The following MSRA variants were observed in gnomAD, a reference collection of about 807,000 sequenced individuals.
MSRA encodes methionine sulfoxide reductase A.
MSRA carries 54 observed loss-of-function variants against 31.3 expected under a neutral mutation model. That is an observed-to-expected ratio of 1.73 (90% CI 1.39 to 2.17). The LOEUF is 2.17. Ranked by LOEUF, MSRA falls within the 30% of genes most tolerant of loss-of-function variation. MSRA has a pLI of 0.00. For missense variants in MSRA, 507 were observed against 300.9 expected (o/e 1.69, Z -5.07); for synonymous variants, 169 against 116.5 (o/e 1.45, Z -2.90).
chr8:10,252,710 C>G (rs370567646), intron 3 of MSRA, among the ~76,000 whole-genome samples: 14 of 152,192 alleles, frequency 9.2e-5, no homozygotes, highest in Admixed American at 9.2e-4. Flanking sequence ...GATTTGTCCA[C>G]GAAGCATGGG....
At chr8:10,075,692 G>C (rs768706781) in intron 1 of MSRA, among the ~76,000 whole-genome samples, 1 of 152,194 alleles carries the variant, frequency 6.6e-6, no homozygotes, top group Admixed American at 6.5e-5. Flanking sequence ...ATGATTTTAC[G>C]ATATAACAAG....
intron 5 of MSRA, among the ~76,000 whole-genome samples, chr8:10,353,279 A>G (rs756793779): frequency 6.6e-5 from 10 of 152,248 alleles, no homozygotes; most frequent in African/African-American, 9.6e-5. Flanking sequence ...AGTCTTGCCA[A>G]TAAAAAGCCA....
At chr8:10,297,433 G>T (rs537918303) in intron 3 of MSRA, among the ~76,000 whole-genome samples, 1 of 152,222 alleles carries the variant, frequency 6.6e-6, no homozygotes, top group Admixed American at 6.5e-5. Flanking sequence ...CTATGTGCGC[G>T]ATGTTATGTG....
chr8:10,124,021 G>C (rs1204477769), intron 1 of MSRA, among the ~76,000 whole-genome samples: 2 of 151,964 alleles, frequency 1.3e-5, no homozygotes, highest in Non-Finnish European at 2.9e-5. Context: ...GCTGAGGTTG[G>C]GGAATGGCCC....
At chr8:10,404,012 A>T (rs1807634178) in intron 5 of MSRA, among the ~76,000 whole-genome samples, 1 of 152,224 alleles carries the variant, frequency 6.6e-6, no homozygotes, top group Admixed American at 6.5e-5. Context: ...ACTGTTGCTC[A>T]CTGTAGGAAA....
intron 1 of MSRA, among the ~76,000 whole-genome samples, chr8:10,201,914 C>G (rs1261190869): frequency 6.6e-6 from 1 of 152,218 alleles, no homozygotes; most frequent in Non-Finnish European, 1.5e-5. Context: ...GCATGTGCCC[C>G]TTGTAGCAGA....
At chr8:10,331,784 ATAAT>A (rs1802716661) in intron 5 of MSRA, among the ~76,000 whole-genome samples, 1 of 152,254 alleles carries the variant, frequency 6.6e-6, no homozygotes, top group African/African-American at 2.4e-5. Flanking sequence ...TGTACTTTAA[ATAAT>A]CTCTAGATTA....
chr8:10,177,302 A>G (rs537283182), intron 1 of MSRA, among the ~76,000 whole-genome samples: 1 of 152,340 alleles, frequency 6.6e-6, no homozygotes, highest in South Asian at 2.1e-4. Context: ...ATGCACTTTG[A>G]CAACTCAATA....
At chr8:10,386,665 G>C (rs1024357618) in intron 5 of MSRA, among the ~76,000 whole-genome samples, 1 of 152,074 alleles carries the variant, frequency 6.6e-6, no homozygotes, top group East Asian at 1.9e-4. Context: ...AAATAGGCAT[G>C]TCTAACAAGC....
At chr8:10,258,997 C>T (rs938306077) in intron 3 of MSRA, among the ~76,000 whole-genome samples, 8 of 151,774 alleles carry the variant, frequency 5.3e-5, no homozygotes, top group Admixed American at 4.6e-4. Flanking sequence ...ATCCCAGCTA[C>T]TTGGGAGGCT....
intron 3 of MSRA, among the ~76,000 whole-genome samples, chr8:10,252,032 C>G (rs1445732040): frequency 6.6e-6 from 1 of 152,204 alleles, no homozygotes; most frequent in Non-Finnish European, 1.5e-5. Context: ...CGGTAAGATT[C>G]AAGCTGCTTG....
At chr8:10,373,136 C>A (rs959922610) in intron 5 of MSRA, among the ~76,000 whole-genome samples, 1 of 152,220 alleles carries the variant, frequency 6.6e-6, no homozygotes, top group Admixed American at 6.5e-5. Context: ...GGTGATCTAC[C>A]CTCTTCGGCC....
chr8:10,381,447 G>C (rs1186525692), intron 5 of MSRA, among the ~76,000 whole-genome samples: 1 of 152,170 alleles, frequency 6.6e-6, no homozygotes, highest in Non-Finnish European at 1.5e-5. Context: ...ACATTTCAGG[G>C]GAAGAGCTGG....
chr8:10,346,867 T>C (rs1803812053), intron 5 of MSRA, among the ~76,000 whole-genome samples: 1 of 152,182 alleles, frequency 6.6e-6, no homozygotes, highest in Non-Finnish European at 1.5e-5. Flanking sequence ...CTCTAAACAG[T>C]AGGTTGGCTC....
At chr8:10,426,449 G>A (rs1317625743) in intron 5 of MSRA, among the ~76,000 whole-genome samples, 1 of 152,252 alleles carries the variant, frequency 6.6e-6, no homozygotes, top group East Asian at 1.9e-4. Context: ...ACTCTCTGGA[G>A]AGGGCCAGGA....
At chr8:10,408,971 A>C in intron 5 of MSRA, among the ~76,000 whole-genome samples, 1 of 152,272 alleles carries the variant, frequency 6.6e-6, no homozygotes, top group East Asian at 1.9e-4. Context: ...TCATCTGTTG[A>C]AGGATGTTTA....
chr8:10,231,441 A>G (rs745535482), intron 2 of MSRA, among the ~76,000 whole-genome samples: 2 of 152,164 alleles, frequency 1.3e-5, no homozygotes, highest in African/African-American at 2.4e-5. Context: ...GCTGTATTGA[A>G]TTTCACGTGT....
chr8:10,294,242 T>G (rs1800407612), intron 3 of MSRA, among the ~76,000 whole-genome samples: 1 of 152,130 alleles, frequency 6.6e-6, no homozygotes, highest in South Asian at 2.1e-4. Context: ...AGAATCATTT[T>G]GGGAAACTTT....
At position 10,224,788 on chromosome 8, in the gene MSRA, C is replaced by T. The variant is rs117317688; in HGVS notation, c.211+16887C>T. 1.2e-3 allele frequency among the ~76,000 whole-genome samples: 176 copies of T among 152,320 alleles called. 5 individuals are homozygous for T. The East Asian group carries it at 0.032, about 28-fold the overall frequency. On this transcript the variant is annotated intron_variant, in intron 2 of 5. Transcript: ENST00000317173. ...TGGTCACTAGAAAGATTCCTGCACT[C>T]CTTAGTCTGACATGTAAGGTTCTGC...
Sources: allele counts gnomAD v4.1 joint callset (sites outside exome capture counted in the v4.1 genomes callset), GRCh38; gene constraint gnomAD v4.1.1; transcripts MANE v1.5; gene names NCBI Gene and HGNC (gene_info 2026-07-23, HGNC 2026-07-21).